ARHGEF38: variants seen among roughly 807,000 people sequenced by gnomAD.
ARHGEF38 encodes Rho guanine nucleotide exchange factor (GEF) 38.
A neutral mutation model predicts 79.9 loss-of-function variants in ARHGEF38; 79 were observed. That is an observed-to-expected ratio of 0.99 (90% CI 0.82 to 1.19). ARHGEF38 has a LOEUF of 1.19. Ranked by LOEUF, ARHGEF38 falls within the 50% of genes most tolerant of loss-of-function variation. The probability of loss-of-function intolerance (pLI) is 0.00; values close to 1 mark genes in which losing one functional copy is unlikely to be tolerated. For missense variants in ARHGEF38, 962 were observed against 907.2 expected, an observed-to-expected ratio of 1.06 and a Z score of -0.78; for synonymous variants, 366 against 328.3, an observed-to-expected ratio of 1.11 and a Z score of -1.24.
intron 3 of ARHGEF38, among the ~76,000 whole-genome samples, chr4:105,625,887 A>T (rs1023825814): frequency 2.0e-5 from 3 of 152,062 alleles, no homozygotes; most frequent in African/African-American, 7.2e-5. Flanking sequence ...GTCCTTCCTC[A>T]TGCTGATCCT....
intron 7 of ARHGEF38, among the ~76,000 whole-genome samples, chr4:105,653,424 G>T (rs972487045): frequency 6.6e-6 from 1 of 151,450 alleles, no homozygotes; most frequent in Non-Finnish European, 1.5e-5. Flanking sequence ...CCGGGTTCAA[G>T]CGACTCTCCT....
At chr4:105,590,543 C>A (rs1727288042) in intron 2 of ARHGEF38, among the ~76,000 whole-genome samples, 1 of 152,154 alleles carries the variant, frequency 6.6e-6, no homozygotes. Flanking sequence ...ATACTTGTTT[C>A]ATCCATAAAT....
intron 1 of ARHGEF38, among the ~76,000 whole-genome samples, chr4:105,556,245 G>A (rs1020667486): frequency 6.6e-6 from 1 of 152,154 alleles, no homozygotes; most frequent in Non-Finnish European, 1.5e-5. Flanking sequence ...GCTGTGTCTT[G>A]AGGGTTACAA....
At chr4:105,575,204 T>C (rs1335095662) in intron 1 of ARHGEF38, among the ~76,000 whole-genome samples, 1 of 152,190 alleles carries the variant, frequency 6.6e-6, no homozygotes, top group East Asian at 1.9e-4. Flanking sequence ...GATCGAATGG[T>C]AGATCTAGTT....
chr4:105,664,093 C>T (rs1730663965), intron 10 of ARHGEF38, among the ~76,000 whole-genome samples: 2 of 152,144 alleles, frequency 1.3e-5, no homozygotes, highest in African/African-American at 4.8e-5. Context: ...AATAATGCTG[C>T]AATGACCATA....
intron 2 of ARHGEF38, among the ~76,000 whole-genome samples, chr4:105,594,826 T>C (rs1284302064): frequency 6.6e-6 from 1 of 152,186 alleles, no homozygotes; most frequent in Non-Finnish European, 1.5e-5. Flanking sequence ...ACATCTTCTT[T>C]AATAGCAGCA....
intron 13 of ARHGEF38, among the ~76,000 whole-genome samples, chr4:105,676,831 A>G (rs1731140079): frequency 6.6e-6 from 1 of 152,110 alleles, no homozygotes; most frequent in Non-Finnish European, 1.5e-5. Flanking sequence ...TAATTGTACC[A>G]TTCAAAGAAA....
chr4:105,664,156 C>A lies in ARHGEF38; in HGVS notation c.1546-2021C>A, dbSNP rs908397901. Among the ~76,000 whole-genome samples the A allele has an allele frequency of 9.9e-5, 15 of 152,084 alleles. No individual in the cohort carries two copies. In the East Asian group the frequency reaches 1.7e-3, roughly 18 times the overall value. On this transcript the variant is annotated intron_variant, in intron 10 of 13. Transcript: ENST00000420470. ...GCTCTCAATTATTTTGGATATATAC[C>A]CACAAGTGGGATTGCTGAATCATAT...
chr4:105,676,859 T>C (rs1306685029), intron 13 of ARHGEF38, among the ~76,000 whole-genome samples: 5 of 152,156 alleles, frequency 3.3e-5, no homozygotes, highest in Admixed American at 2.6e-4. Context: ...ATTAGACTTA[T>C]ATCGTACATC....
intron 2 of ARHGEF38, among the ~76,000 whole-genome samples, chr4:105,605,032 G>T (rs1429402547): frequency 2.6e-5 from 4 of 151,938 alleles, no homozygotes; most frequent in African/African-American, 7.3e-5. Context: ...CAGCTCAAAA[G>T]ACCTATTTTT....
chr4:105,553,453 T>C (rs1359380175), intron 1 of ARHGEF38, among the ~76,000 whole-genome samples: 2 of 152,204 alleles, frequency 1.3e-5, no homozygotes, highest in African/African-American at 4.8e-5. Flanking sequence ...AGAAGGAATG[T>C]TATAGTCAGA....
chr4:105,577,284 A>G (rs1232836896), intron 1 of ARHGEF38, among the ~76,000 whole-genome samples: 1 of 120,256 alleles, frequency 8.3e-6, no homozygotes, highest in Non-Finnish European at 1.6e-5. Context: ...CCAGAGGGTG[A>G]TGTTCCCCTT....
chr4:105,561,400 T>TAGAATAGAATAGAATAGAATGG (rs59437354), intron 1 of ARHGEF38, among the ~76,000 whole-genome samples: 789 of 30,156 alleles, frequency 0.026, 168 homozygotes, highest in South Asian at 0.073. Context: ...TAGAGTAGAA[T>TAGAATAGAATAGAATAGAATGG]AATAGAATAG....
rs974726952 is a variant in ARHGEF38, at chr4:105,631,194, T to A, written c.656+149T>A. ...GCTTTGCATTCCCTTTATAAAAAGC[T>A]GACATGCCAGAAGCCCTGATTGACT... On this transcript the variant is annotated intron_variant, in intron 4 of 13. Coordinates refer to ENST00000420470, the MANE Select transcript of ARHGEF38 (RefSeq NM_001242729.2). 4 of 1,289,638 alleles carry A rather than the reference T, an allele frequency of 3.1e-6. No individual in the cohort carries two copies. The African/African-American group carries it at 6.1e-5, about 20-fold the overall frequency. 79.9% of individuals were successfully genotyped at this position (1,289,638 alleles called of 1,614,324 possible).
At chr4:105,613,531 T>C (rs530764842) in intron 3 of ARHGEF38, 24 bp downstream of exon 3, 2 of 1,609,110 alleles carry the variant, frequency 1.2e-6, no homozygotes, top group Admixed American at 3.4e-5. Context: ...CTTCTCGAGT[T>C]CTACAATACA....
At chr4:105,604,388 G>A (rs982571676) in intron 2 of ARHGEF38, among the ~76,000 whole-genome samples, 1 of 152,118 alleles carries the variant, frequency 6.6e-6, no homozygotes, top group Non-Finnish European at 1.5e-5. Flanking sequence ...TACTACTCAA[G>A]TCTACTGTCA....
Position 105,652,686 on chromosome 4 carries a change from A to C in ARHGEF38, c.1009-1379A>C, listed in dbSNP as rs536988534. On this transcript the variant is annotated intron_variant, in intron 7 of 13. Coordinates refer to ENST00000420470, the MANE Select transcript of ARHGEF38 (RefSeq NM_001242729.2). The stretch of plus-strand genomic sequence containing the variant: ...GGGTCCTAGCCAGATGATATACAAA[A>C]TAAAATATCTGGTGACGCCTCCTTG... Among the ~76,000 whole-genome samples, 13 of 151,612 alleles carry C rather than the reference A, an allele frequency of 8.6e-5. No homozygotes were observed. The South Asian group carries it at 2.7e-3, about 31-fold the overall frequency.
chr4:105,631,498 C>T, intron 4 of ARHGEF38: 7 of 985,622 alleles, frequency 7.1e-6, no homozygotes, highest in Non-Finnish European at 6.0e-6. Context: ...TGGGTGAAGA[C>T]AAGTCAGGCC....
chr4:105,561,444 A>AATG (rs1560684446), intron 1 of ARHGEF38: 48 of 42,910 alleles, frequency 1.1e-3, no homozygotes, highest in Non-Finnish European at 1.6e-3. Context: ...AGAATAGAAT[A>AATG]GAATGGAATA....
Sources: gnomAD v4.1 joint callset for allele counts (sites outside exome capture counted in the v4.1 genomes callset) on GRCh38, gnomAD v4.1.1 for gene constraint, MANE v1.5 for transcripts, NCBI Gene and HGNC (gene_info 2026-07-23, HGNC 2026-07-21) for gene names.